Variants in PLPP4 observed in about 807,000 individuals in gnomAD.
The protein encoded by PLPP4 is diacylglycerol pyrophosphate like 2.
In PLPP4, 20 loss-of-function variants were observed where a neutral mutation model predicts 32.2. That is an observed-to-expected ratio of 0.62 (90% CI 0.44 to 0.90). The LOEUF is 0.90. PLPP4 is among the 40% of genes least tolerant of loss of function. The pLI is 0.00. For missense variants in PLPP4, 257 were observed against 353.1 expected (o/e 0.73, Z 2.18); for synonymous variants, 127 against 133.0 (o/e 0.95, Z 0.31).
At chr10:120,552,150 T>C (rs1215538668) in intron 5 of PLPP4, among the ~76,000 whole-genome samples, 1 of 141,614 alleles carries the variant, frequency 7.1e-6, no homozygotes, top group Non-Finnish European at 1.5e-5. Flanking sequence ...GTGATTGTGT[T>C]GTTAGTGGTG....
intron 5 of PLPP4, among the ~76,000 whole-genome samples, chr10:120,558,431 C>T (rs1312693781): frequency 6.3e-5 from 8 of 127,430 alleles, no homozygotes; most frequent in East Asian, 2.2e-4. Context: ...TTTTTTGAGA[C>T]GGAATTTTGC....
chr10:120,571,764 C>A (rs1848951683), intron 5 of PLPP4, among the ~76,000 whole-genome samples: 1 of 152,164 alleles, frequency 6.6e-6, no homozygotes, highest in Admixed American at 6.5e-5. Context: ...GAGTCTCATT[C>A]TTCCTCAGGT....
rs560106359 is a variant in PLPP4 at position 120,466,308 on chromosome 10, A to G, written c.56+8947A>G. Among the ~76,000 whole-genome samples the G allele has an allele frequency of 2.0e-5, 3 of 152,258 alleles. No homozygotes were observed. In the East Asian group the frequency reaches 5.9e-4, roughly 30 times the overall value. ...CCTACGTATATATGTACAAGAAATT[A>G]CAAATAGGTTCACCAAAAACCAATA... On this transcript the variant is annotated intron_variant, in intron 1 of 6. Transcript: ENST00000398250.
At chr10:120,560,840 G>C (rs2134010921) in intron 5 of PLPP4, among the ~76,000 whole-genome samples, 1 of 152,272 alleles carries the variant, frequency 6.6e-6, no homozygotes, top group African/African-American at 2.4e-5. Context: ...CAAAATATGG[G>C]TTAATTGACC....
chr10:120,464,120 A>G (rs780219194), intron 1 of PLPP4, among the ~76,000 whole-genome samples: 12 of 152,196 alleles, frequency 7.9e-5, no homozygotes, highest in Non-Finnish European at 1.6e-4. Context: ...CTGGTTTGCA[A>G]CTTACCTGCT....
intron 1 of PLPP4, among the ~76,000 whole-genome samples, chr10:120,493,281 T>C (rs745456976): frequency 2.0e-5 from 3 of 152,090 alleles, no homozygotes; most frequent in Admixed American, 1.3e-4. Context: ...TCATTGAGGG[T>C]GTTTGACTTG....
intron 1 of PLPP4, among the ~76,000 whole-genome samples, chr10:120,491,443 C>G (rs1168376127): frequency 6.6e-6 from 1 of 152,120 alleles, no homozygotes; most frequent in African/African-American, 2.4e-5. Context: ...TGTGACTGAC[C>G]CAACCTCTTT....
intron 6 of PLPP4, among the ~76,000 whole-genome samples, chr10:120,589,059 A>G (rs764553899): frequency 2.3e-4 from 35 of 152,106 alleles, no homozygotes; most frequent in Non-Finnish European, 3.8e-4. Flanking sequence ...CAACAACAAC[A>G]ACCCAAAACA....
At position 120,589,634 on chromosome 10, in the gene PLPP4, G is replaced by A. The variant is rs893160677; in HGVS notation, c.*132G>A. On this transcript the variant is annotated 3_prime_UTR_variant, in exon 7 of 7. Transcript: ENST00000398250. ...TCAAAGTCATCGTACTTCTGCTTCT[G>A]TTTCACTGATGGTGTTCCTGCTACT... The A allele has an allele frequency of 8.7e-6, 6 of 691,048 alleles. No individual in the cohort carries two copies. The African/African-American group carries it at 1.1e-4, about 12-fold the overall frequency. 42.8% of individuals were successfully genotyped at this position (691,048 alleles called of 1,614,324 possible).
chr10:120,466,278 GCAC>G (rs1292143581), intron 1 of PLPP4, among the ~76,000 whole-genome samples: 4 of 151,884 alleles, frequency 2.6e-5, no homozygotes, highest in Non-Finnish European at 5.9e-5. Context: ...CCCAGCAGTT[GCAC>G]CCCTACGTAT....
intron 1 of PLPP4, among the ~76,000 whole-genome samples, chr10:120,489,535 T>C (rs1589753287): frequency 6.6e-6 from 1 of 152,136 alleles, no homozygotes; most frequent in South Asian, 2.1e-4. Context: ...CACCAACACA[T>C]GGGTGTGGCG....
chr10:120,550,062 A>G (rs1267476039), intron 5 of PLPP4, among the ~76,000 whole-genome samples: 1 of 152,008 alleles, frequency 6.6e-6, no homozygotes, highest in Non-Finnish European at 1.5e-5. Context: ...TAACACGATT[A>G]TTTGTTTATA....
chr10:120,485,054 G>C (rs1844382442), intron 1 of PLPP4, among the ~76,000 whole-genome samples: 1 of 152,216 alleles, frequency 6.6e-6, no homozygotes, highest in Admixed American at 6.5e-5. Flanking sequence ...CAAGGAAGTA[G>C]ATTCTATTCT....
chr10:120,552,233 C>T (rs1290989556), intron 5 of PLPP4, among the ~76,000 whole-genome samples: 3 of 145,836 alleles, frequency 2.1e-5, no homozygotes, highest in African/African-American at 7.5e-5. Context: ...GAAGTCCACA[C>T]ATTTCTCTAA....
chr10:120,552,567 G>A (rs562339636), intron 5 of PLPP4, among the ~76,000 whole-genome samples: 1 of 152,326 alleles, frequency 6.6e-6, no homozygotes, highest in Non-Finnish European at 1.5e-5. Flanking sequence ...CATATTTCCT[G>A]TGTTTCACAT....
chr10:120,559,897 G>T (rs1848339355), intron 5 of PLPP4, among the ~76,000 whole-genome samples: 1 of 152,200 alleles, frequency 6.6e-6, no homozygotes, highest in Non-Finnish European at 1.5e-5. Context: ...TGAAGCTGCA[G>T]TATTAAATCA....
intron 5 of PLPP4, among the ~76,000 whole-genome samples, chr10:120,542,978 C>T (rs561131369): frequency 1.2e-4 from 19 of 152,274 alleles, no homozygotes; most frequent in African/African-American, 4.3e-4. Flanking sequence ...GTCATAGGGA[C>T]CATGTGCATG....
At chr10:120,470,602 T>C (rs1213264424) in intron 1 of PLPP4, among the ~76,000 whole-genome samples, 1 of 152,212 alleles carries the variant, frequency 6.6e-6, no homozygotes, top group African/African-American at 2.4e-5. Flanking sequence ...CTGTTACTTG[T>C]CCCCCTCAAA....
chr10:120,574,538 C>T (rs777008443), intron 5 of PLPP4, among the ~76,000 whole-genome samples: 25 of 152,302 alleles, frequency 1.6e-4, no homozygotes, highest in Non-Finnish European at 3.4e-4. Flanking sequence ...AGGTATTTGT[C>T]ATCGCTGACT....
Sources: gnomAD v4.1 joint callset for allele counts (sites outside exome capture counted in the v4.1 genomes callset) on GRCh38, gnomAD v4.1.1 for gene constraint, MANE v1.5 for transcripts, NCBI Gene and HGNC (gene_info 2026-07-23, HGNC 2026-07-21) for gene names.